The following CAMTA1 variants were observed in gnomAD, a reference collection of about 807,000 sequenced individuals.
CAMTA1 encodes calmodulin binding transcription activator 1, also known as calmodulin-binding transcription activator 1.
In CAMTA1, 27 loss-of-function variants were observed where a neutral mutation model predicts 170.9. That is an observed-to-expected ratio of 0.16 (90% confidence interval 0.12 to 0.22). CAMTA1 has a LOEUF of 0.22. Ranked by LOEUF, CAMTA1 falls within the 10% of genes least tolerant of loss-of-function variation. The pLI, the probability that CAMTA1 is intolerant of heterozygous loss-of-function variation, is 1.00. For synonymous variants in CAMTA1, 833 were observed against 891.5 expected (o/e 0.93, Z 1.17); for missense variants, 1,619 against 2,217.2 (o/e 0.73, Z 5.42).
At chr1:7,458,167 C>T (rs867890064) in intron 5 of CAMTA1, among the ~76,000 whole-genome samples, 1 of 152,194 alleles carries the variant, frequency 6.6e-6, no homozygotes, top group African/African-American at 2.4e-5. Flanking sequence ...AAGGAACCAA[C>T]CTTCATGGCC....
intron 3 of CAMTA1, among the ~76,000 whole-genome samples, chr1:6,926,498 T>C (rs1210160013): frequency 1.4e-5 from 2 of 141,400 alleles, no homozygotes; most frequent in Non-Finnish European, 3.1e-5. Context: ...CTCTCTCTCT[T>C]TTCTTCCTTC....
intron 3 of CAMTA1, among the ~76,000 whole-genome samples, chr1:6,902,018 C>A (rs1677047584): frequency 6.9e-6 from 1 of 144,196 alleles, no homozygotes; most frequent in African/African-American, 2.6e-5. Context: ...GCACTTCAGC[C>A]CGAATGACAA....
chr1:6,791,308 C>G (rs1490323676), intron 1 of CAMTA1, among the ~76,000 whole-genome samples: 1 of 152,102 alleles, frequency 6.6e-6, no homozygotes, highest in Non-Finnish European at 1.5e-5. Context: ...CCCACCATCC[C>G]TTTGTCCTGT....
chr1:6,899,188 G>A (rs1357088402), intron 3 of CAMTA1, among the ~76,000 whole-genome samples: 2 of 152,224 alleles, frequency 1.3e-5, no homozygotes, highest in Non-Finnish European at 1.5e-5. Flanking sequence ...TGTGATGGCT[G>A]AGAGGGATTC....
At chr1:7,139,674 G>C (rs532706273) in intron 4 of CAMTA1, among the ~76,000 whole-genome samples, 59 of 152,238 alleles carry the variant, frequency 3.9e-4, no homozygotes, top group African/African-American at 1.3e-3. Flanking sequence ...ATATTCCTTG[G>C]CGACTAGGTA....
intron 4 of CAMTA1, among the ~76,000 whole-genome samples, chr1:7,211,018 AACAGATTTTTTTCAG>A (rs1658650459): frequency 6.6e-6 from 1 of 152,228 alleles, no homozygotes; most frequent in Admixed American, 6.5e-5. Context: ...AGAGAACGTT[AACAGATTTTTTTCAG>A]TGAACACTCA....
chr1:6,952,477 T>C (rs1688682813), intron 3 of CAMTA1, among the ~76,000 whole-genome samples: 1 of 150,780 alleles, frequency 6.6e-6, no homozygotes, highest in Non-Finnish European at 1.5e-5. Flanking sequence ...AGTGAAGAGT[T>C]TTCTTTGGGA....
chr1:6,865,145 C>A (rs1205205365), intron 3 of CAMTA1, among the ~76,000 whole-genome samples: 1 of 152,168 alleles, frequency 6.6e-6, no homozygotes, highest in Non-Finnish European at 1.5e-5. Context: ...AAACACTCTT[C>A]ATTTTTAGCA....
intron 6 of CAMTA1, among the ~76,000 whole-genome samples, chr1:7,498,392 AGT>A (rs950276890): frequency 6.8e-6 from 1 of 147,402 alleles, no homozygotes; most frequent in Non-Finnish European, 1.5e-5. Flanking sequence ...GATGTGTGTG[AGT>A]GAATGTGTAT....
chr1:6,990,855 A>G lies in CAMTA1; in HGVS notation c.235-100449A>G, dbSNP rs944257119. ...TATGTGTGTGTGTGTTTTAATCTCA[A>G]TAGCTTTTTGGGGGTACAAGTGGTT... is the stretch of plus-strand genomic sequence containing the variant. On this transcript the variant is annotated intron_variant, in intron 3 of 22. Transcript: ENST00000303635. 1.3e-4 allele frequency among the ~76,000 whole-genome samples: 20 copies of G among 151,274 alleles called. No homozygotes were observed. The East Asian group carries it at 1.7e-3, about 13-fold the overall frequency.
intron 5 of CAMTA1, among the ~76,000 whole-genome samples, chr1:7,363,117 A>G (rs967999084): frequency 6.6e-6 from 1 of 152,200 alleles, no homozygotes; most frequent in Non-Finnish European, 1.5e-5. Context: ...AACGTGAGAG[A>G]GTGAGTAGGA....
At chr1:7,217,610 A>G (rs1387563517) in intron 4 of CAMTA1, among the ~76,000 whole-genome samples, 1 of 151,990 alleles carries the variant, frequency 6.6e-6, no homozygotes, top group Admixed American at 6.6e-5. Context: ...TGCATTTTCT[A>G]TACTCATTTA....
chr1:7,275,210 A>C (rs187027187), intron 5 of CAMTA1, among the ~76,000 whole-genome samples: 1 of 151,872 alleles, frequency 6.6e-6, no homozygotes, highest in Admixed American at 6.5e-5. Flanking sequence ...AACCCCACAT[A>C]GAAAATGTAT....
chr1:7,419,813 A>G (rs927285288), intron 5 of CAMTA1, among the ~76,000 whole-genome samples: 3 of 152,088 alleles, frequency 2.0e-5, no homozygotes, highest in Non-Finnish European at 4.4e-5. Flanking sequence ...AATCATCAGC[A>G]TCATCCATGG....
rs974034899 is a variant in CAMTA1, at chr1:7,580,078, C to T, written c.511-60322C>T. ...ATTCTGGCCTCTGGCCTGTGCCAGG[C>T]ACACAGCTAGGAGCTGGGCCTTGCG... On this transcript the variant is annotated intron_variant, in intron 6 of 22. Coordinates refer to ENST00000303635, the MANE Select transcript of CAMTA1 (RefSeq NM_015215.4). The surrounding 1 kb of genome is among the most constrained non-coding windows in gnomAD (Gnocchi z 4.3). 6.6e-6 allele frequency among the ~76,000 whole-genome samples: 1 copy of T among 152,272 alleles called. No individual in the cohort carries two copies. Among genetic ancestry groups the T allele is most frequent in the African/African-American group, 2.4e-5 (1 of 41,484 alleles).
chr1:6,857,472 A>C (rs2148865693), intron 3 of CAMTA1, among the ~76,000 whole-genome samples: 1 of 152,350 alleles, frequency 6.6e-6, no homozygotes, highest in Non-Finnish European at 1.5e-5. Flanking sequence ...AACAAAACCA[A>C]AGCAGTTGCA....
intron 5 of CAMTA1, among the ~76,000 whole-genome samples, chr1:7,429,416 T>C (rs559905018): frequency 2.2e-4 from 34 of 152,180 alleles, no homozygotes; most frequent in Admixed American, 1.9e-3. Context: ...ATCATGATGG[T>C]GGTGATGATT....
chr1:7,567,771 A>G (rs983795091), intron 6 of CAMTA1, among the ~76,000 whole-genome samples: 3 of 152,200 alleles, frequency 2.0e-5, no homozygotes, highest in African/African-American at 7.2e-5. Context: ...ATGGACTTCA[A>G]GTCTGTGCCA....
At chr1:7,475,840 C>T (rs1431426082) in intron 6 of CAMTA1, among the ~76,000 whole-genome samples, 1 of 152,218 alleles carries the variant, frequency 6.6e-6, no homozygotes, top group Non-Finnish European at 1.5e-5. Flanking sequence ...GTAGGCAGGG[C>T]CCTGGTCCAG....
Sources: allele counts gnomAD v4.1 joint callset (sites outside exome capture counted in the v4.1 genomes callset), GRCh38; gene constraint gnomAD v4.1.1; non-coding constraint Gnocchi (gnomAD v3.1); transcripts MANE v1.5; gene names NCBI Gene and HGNC (gene_info 2026-07-23, HGNC 2026-07-21).